Variants in FITM2 observed in about 807,000 individuals in gnomAD.
FITM2 encodes fat storage inducing transmembrane protein 2.
A neutral mutation model predicts 23.3 loss-of-function variants in FITM2; 16 were observed. The observed-to-expected ratio is 0.69, with a 90% CI of 0.47 to 1.05. FITM2 has a LOEUF of 1.05. Ranked by LOEUF, FITM2 falls within the 50% of genes least tolerant of loss-of-function variation. The probability of loss-of-function intolerance (pLI) is 0.00; values close to 1 mark genes in which losing one functional copy is unlikely to be tolerated. For missense variants in FITM2, 273 were observed against 327.5 expected, an observed-to-expected ratio of 0.83 and a Z score of 1.29; for synonymous variants, 132 against 142.0, an observed-to-expected ratio of 0.93 and a Z score of 0.50.
At chr20:44,308,349 A>G (rs1008017287) in intron 1 of FITM2, among the ~76,000 whole-genome samples, 1 of 152,174 alleles carries the variant, frequency 6.6e-6, no homozygotes, top group Non-Finnish European at 1.5e-5. Context: ...TTTCCCATAG[A>G]GCACTCACAT....
chr20:44,306,816 A>T lies in FITM2; in HGVS notation c.598T>A (p.Phe200Ile), dbSNP rs1038354869. ...CACAGAAACATCAACACCCAGATGA[A>T]AGTCAGAATGCCCAGGGCCACAACC... The part of the protein sequence containing the change: ...TLVVALGILT[F>I]IWVLMFLCTA... Residue 200 changes from phenylalanine (F) to isoleucine (I), a missense_variant, in exon 2 of 2, where the codon TTC (phenylalanine) becomes ATC (isoleucine). Physicochemically the swap from Phe to Ile is conservative, Grantham distance 21. Around this residue, in one of 3 missense-constraint regions of FITM2, gnomAD observed 117 missense variants for 183.3 expected, o/e 0.64. Coordinates refer to ENST00000396825, the MANE Select transcript of FITM2 (RefSeq NM_001080472.4). 5.6e-6 allele frequency: 9 copies of T among 1,614,200 alleles called. No individual in the cohort carries two copies. The highest frequency in any genetic ancestry group is 7.6e-6 in the Non-Finnish European group (9 of 1,180,048).
rs2062687629 is a variant in FITM2, at chr20:44,305,683, G to A, written c.*942C>T. 2 of 152,072 alleles carry A rather than the reference G, an allele frequency of 1.3e-5. No individual in the cohort carries two copies. Among genetic ancestry groups the A allele is most frequent in the South Asian group, 4.1e-4 (2 of 4,830 alleles). 9.4% of individuals were successfully genotyped at this position (152,072 alleles called of 1,614,324 possible). A position where few individuals can be genotyped will look rare whatever the true frequency, so the allele number is the denominator to read the frequency against. ...ACTAAAAATACAAAATTAGCCTGGT[G>A]TGGTGACGCATGCCTGTAATCCCAG... is the stretch of plus-strand genomic sequence containing the variant. On this transcript the variant is annotated 3_prime_UTR_variant, in exon 2 of 2. Coordinates refer to ENST00000396825, the MANE Select transcript of FITM2 (RefSeq NM_001080472.4).
Position 44,311,118 on chromosome 20 carries a change from A to G in FITM2, c.31T>C (p.Leu11=). The G allele has an allele frequency of 6.2e-7, 1 of 1,612,964 alleles. No individual in the cohort carries two copies. The highest frequency in any genetic ancestry group is 1.7e-4 in the Middle Eastern group (1 of 6,056). Residue 11 remains leucine (L), a synonymous_variant, in exon 1 of 2, where the codon TTG becomes CTG. Transcript: ENST00000396825. ...GCCGCCCGCACCAGCGTCCCCCGCAACAACCACTCGCAGCGCTCCAGATGC... is the reference window on the plus strand; with the variant it reads ...GCCGCCCGCACCAGCGTCCCCCGCAGCAACCACTCGCAGCGCTCCAGATGC... MEHLERCEWL[L]RGTLVRAAVR...
chr20:44,304,140 T>A lies in FITM2; in HGVS notation c.*2485A>T, dbSNP rs776763599. Reference sequence around the variant, plus strand: ...AATTAACCTCCAACTTGATGGGATATGAAATATTTAAAATATATCCTTATA... The same window carrying A: ...AATTAACCTCCAACTTGATGGGATAAGAAATATTTAAAATATATCCTTATA... On this transcript the variant is annotated 3_prime_UTR_variant, in exon 2 of 2. Coordinates refer to ENST00000396825, the MANE Select transcript of FITM2 (RefSeq NM_001080472.4). 6.6e-6 allele frequency: 1 copy of A among 152,220 alleles called. No homozygotes were observed. The highest frequency in any genetic ancestry group is 1.5e-5 in the Non-Finnish European group (1 of 68,044). The allele number at this position is 152,220 out of a possible 1,614,324, so 9.4% of individuals were successfully genotyped here.
At chr20:44,309,387 C>T (rs1426111871) in intron 1 of FITM2, among the ~76,000 whole-genome samples, 1 of 152,090 alleles carries the variant, frequency 6.6e-6, no homozygotes, top group Non-Finnish European at 1.5e-5. Flanking sequence ...ACCACGTTGG[C>T]CAGGCTGGTC....
Position 44,306,616 on chromosome 20 carries a change from G to T in FITM2, c.*9C>A. 6.2e-7 allele frequency: 1 copy of T among 1,610,530 alleles called. No homozygotes were observed. The highest frequency in any genetic ancestry group is 8.5e-7 in the Non-Finnish European group (1 of 1,177,390). On this transcript the variant is annotated 3_prime_UTR_variant, in exon 2 of 2. Transcript: ENST00000396825. Reference sequence around the variant, plus strand: ...GCCATTGTCCTTCTGTCCCCCCTCTGTTACTCTTTTATTTCTTGTAACTAT... The same window carrying T: ...GCCATTGTCCTTCTGTCCCCCCTCTTTTACTCTTTTATTTCTTGTAACTAT...
chr20:44,309,155 C>T (rs1052524245), intron 1 of FITM2, among the ~76,000 whole-genome samples: 15 of 151,372 alleles, frequency 9.9e-5, no homozygotes, highest in East Asian at 1.9e-4. Context: ...CCACCACACT[C>T]GGCTAATTTT....
chr20:44,305,462 C>T lies in FITM2; in HGVS notation c.*1163G>A, dbSNP rs2146088653. ...TCGCAAGTCAGTTGCAATATTTAAA[C>T]ACTTCATGGATGAAACAAATATTAC... On this transcript the variant is annotated 3_prime_UTR_variant, in exon 2 of 2. Transcript: ENST00000396825. 1 of 152,308 alleles carries T rather than the reference C, an allele frequency of 6.6e-6. No homozygotes were observed. Among genetic ancestry groups the T allele is most frequent in the Admixed American group, 6.5e-5 (1 of 15,294 alleles). The allele number at this position is 152,308 out of a possible 1,614,324, so 9.4% of individuals were successfully genotyped here.
chr20:44,306,651 A>T lies in FITM2; in HGVS notation c.763T>A (p.Leu255Met), dbSNP rs1568668077. The change falls in exon 2 of 2, where the codon TTG becomes ATG. Residue 255 changes from leucine (L) to methionine (M), a missense_variant. Around this residue, in one of 3 missense-constraint regions of FITM2, gnomAD observed 33 missense variants for 26.3 expected, o/e 1.25. Transcript: ENST00000396825. ...GLPPQSCSLNLKQDSYKK is the reference protein window; with the variant it reads ...GLPPQSCSLNMKQDSYKK ...TATTTCTTGTAACTATCTTGCTTCA[A>T]ATTCAAACTACAGCTCTGGGGAGGA... 6.2e-7 allele frequency: 1 copy of T among 1,613,748 alleles called. No individual in the cohort carries two copies. Among genetic ancestry groups the T allele is most frequent in the African/African-American group, 1.3e-5 (1 of 75,024 alleles).
In FITM2 at chr20:44,310,990, G is replaced by A. The variant is rs1297897656; in HGVS notation, c.159C>T (p.Arg53=). The A allele has an allele frequency of 6.4e-7, 1 of 1,555,592 alleles. No individual in the cohort carries two copies. Among genetic ancestry groups the A allele is most frequent in the Admixed American group, 1.9e-5 (1 of 51,414 alleles). ...PLPESYLSNK[R]NVLNVYFVKV... Reference sequence around the variant, plus strand: ...GGTGCACTCACACGTTGAGGACGTTGCGCTTGTTGCTGAGGTAGCTCTCGG... The same window carrying A: ...GGTGCACTCACACGTTGAGGACGTTACGCTTGTTGCTGAGGTAGCTCTCGG... The change falls in exon 1 of 2, where the codon CGC becomes CGT. Residue 53 remains arginine (R), a synonymous_variant. Transcript: ENST00000396825.
rs772264012 is a variant in FITM2, at chr20:44,310,931, C to G, written c.173+45G>C. On this transcript the variant is annotated intron_variant, in intron 1 of 1. Coordinates refer to ENST00000396825, the MANE Select transcript of FITM2 (RefSeq NM_001080472.4). ...CCGGCTTCTCTGGGCGAGGCGACAG[C>G]GGGCCGGCTCGGGCGGGGACAGCGG... is the stretch of plus-strand genomic sequence containing the variant. 132 of 1,502,164 alleles carry G rather than the reference C, an allele frequency of 8.8e-5. No individual in the cohort carries two copies. In the Middle Eastern group the frequency reaches 8.9e-4, roughly 10 times the overall value. The allele number at this position is 1,502,164 out of a possible 1,614,324, so 93.1% of individuals were successfully genotyped here. A position where few individuals can be genotyped will look rare whatever the true frequency, so the allele number is the denominator to read the frequency against.
Position 44,307,195 on chromosome 20 carries a change from CAGA to C in FITM2, c.216_218del (p.Leu73del), listed in dbSNP as rs754208102. On this transcript the variant is annotated inframe_deletion, in exon 2 of 2. Coordinates refer to ENST00000396825, the MANE Select transcript of FITM2 (RefSeq NM_001080472.4). ...GGTAGTTGGTGAGGGCAATGAAAGG[CAGA>C]AGGAGACAGAACGTCCAGGCCCAGG... is the stretch of plus-strand genomic sequence containing the variant. 1.2e-6 allele frequency: 2 copies of C among 1,614,156 alleles called. No individual in the cohort carries two copies. The highest frequency in any genetic ancestry group is 1.7e-6 in the Non-Finnish European group (2 of 1,180,032).
At position 44,302,997 on chromosome 20, in the gene FITM2, T is replaced by G. The variant is rs1312760317; in HGVS notation, c.*3628A>C. On this transcript the variant is annotated 3_prime_UTR_variant, in exon 2 of 2. Coordinates refer to ENST00000396825, the MANE Select transcript of FITM2 (RefSeq NM_001080472.4). Reference sequence around the variant, plus strand: ...AGGCGTCAGTGAATTAATCTCAACATAGAAAGGCAAAATAAGCATGGCAGT... The same window carrying G: ...AGGCGTCAGTGAATTAATCTCAACAGAGAAAGGCAAAATAAGCATGGCAGT... The G allele has an allele frequency of 6.6e-6, 1 of 152,116 alleles. No homozygotes were observed. The highest frequency in any genetic ancestry group is 1.9e-4 in the East Asian group (1 of 5,180). 9.4% of individuals were successfully genotyped at this position (152,116 alleles called of 1,614,324 possible).
Position 44,307,074 on chromosome 20 carries a change from T to C in FITM2, c.340A>G (p.Ile114Val), listed in dbSNP as rs754943445. The change falls in exon 2 of 2, where the codon ATC becomes GTC. Residue 114 changes from isoleucine (I) to valine (V), a missense_variant. By Grantham distance (29) the Ile-to-Val change is conservative. This residue lies in a region of FITM2 where 117 missense variants were observed against 183.3 expected (regional missense o/e 0.64). Transcript: ENST00000396825. ...TAGCAGCTGCCCGTGTAGTGTTCGA[T>C]GTTGGAGAAGATGGAGGTGCAGATG... Reference protein sequence around the residue: ...WYICTSIFSNIEHYTGSCYQS... With the variant: ...WYICTSIFSNVEHYTGSCYQS... 4.2e-5 allele frequency: 68 copies of C among 1,613,960 alleles called. No homozygotes were observed. Among genetic ancestry groups the C allele is most frequent in the Middle Eastern group, 1.6e-4 (1 of 6,084 alleles).
chr20:44,306,769 G>A lies in FITM2; in HGVS notation c.645C>T (p.Asn215=). 2 of 1,614,184 alleles carry A rather than the reference G, an allele frequency of 1.2e-6. No homozygotes were observed. Among genetic ancestry groups the A allele is most frequent in the Non-Finnish European group, 1.7e-6 (2 of 1,180,038 alleles). The stretch of plus-strand genomic sequence containing the variant: ...AGGTGCCAAACACCTTCTGGGACAA[G>A]TTGTGGAAATAAACAGCTGTGCACA... ...MFLCTAVYFH[N]LSQKVFGTLF... is the part of the protein sequence containing the mutation. The change falls in exon 2 of 2, where the codon AAC becomes AAT. Residue 215 remains asparagine, a synonymous_variant. Coordinates refer to ENST00000396825, the MANE Select transcript of FITM2 (RefSeq NM_001080472.4).
At chr20:44,308,606 C>T (rs1600586764) in intron 1 of FITM2, among the ~76,000 whole-genome samples, 1 of 152,280 alleles carries the variant, frequency 6.6e-6, no homozygotes, top group East Asian at 1.9e-4. Flanking sequence ...CACAATCACA[C>T]CTCACTGCAG....
chr20:44,309,471 C>T (rs192557491), intron 1 of FITM2, among the ~76,000 whole-genome samples: 1 of 152,166 alleles, frequency 6.6e-6, no homozygotes, highest in Non-Finnish European at 1.5e-5. Context: ...TGAGCCACTG[C>T]GCCCAGCCTG....
At position 44,306,587 on chromosome 20, in the gene FITM2, A is replaced by G; in HGVS notation, c.*38T>C. 6.3e-7 allele frequency: 1 copy of G among 1,591,258 alleles called. No individual in the cohort carries two copies. Among genetic ancestry groups the G allele is most frequent in the South Asian group, 1.1e-5 (1 of 88,012 alleles). ...AGCAAAATATATATTTGAAAAATAG[A>G]TTAGCCATTGTCCTTCTGTCCCCCC... On this transcript the variant is annotated 3_prime_UTR_variant, in exon 2 of 2. Coordinates refer to ENST00000396825, the MANE Select transcript of FITM2 (RefSeq NM_001080472.4).
At position 44,307,030 on chromosome 20, in the gene FITM2, C is replaced by T. The variant is rs781116649; in HGVS notation, c.384G>A (p.Glu128=). ...TGSCYQSPAL[E]GVRKEHQSKQ... ...TGCTCTGGTGTTCCTTTCTGACCCC[C>T]TCCAGGGCTGGGGACTGGTAGCAGC... The change falls in exon 2 of 2, where the codon GAG becomes GAA. Residue 128 remains glutamate (E), a synonymous_variant. Transcript: ENST00000396825. 6.2e-7 allele frequency: 1 copy of T among 1,614,232 alleles called. No individual in the cohort carries two copies. The highest frequency in any genetic ancestry group is 1.7e-5 in the Admixed American group (1 of 60,028).
Sources: allele counts gnomAD v4.1 joint callset (sites outside exome capture counted in the v4.1 genomes callset), GRCh38; gene constraint gnomAD v4.1.1; regional missense constraint gnomAD v4.1.1; transcripts MANE v1.5; gene names NCBI Gene and HGNC (gene_info 2026-07-23, HGNC 2026-07-21).